KIAA1217: variants seen among roughly 807,000 people sequenced by gnomAD.
KIAA1217 encodes KIAA1217.
A neutral mutation model predicts 163.9 loss-of-function variants in KIAA1217; 88 were observed. That is an observed-to-expected ratio of 0.54 (90% CI 0.45 to 0.64). The LOEUF (loss-of-function observed/expected upper bound fraction) is 0.64. Among genes scored for constraint, KIAA1217 ranks in the 30% least tolerant of loss-of-function variants. The probability of loss-of-function intolerance (pLI) is 0.00; values close to 1 mark genes in which losing one functional copy is unlikely to be tolerated. For missense variants in KIAA1217, 2,372 were observed against 2,475.0 expected, an observed-to-expected ratio of 0.96 and a Z score of 0.88; for synonymous variants, 903 against 923.1, an observed-to-expected ratio of 0.98 and a Z score of 0.39.
intron 1 of KIAA1217, among the ~76,000 whole-genome samples, chr10:23,858,656 C>A (rs1323615954): frequency 6.6e-6 from 1 of 152,070 alleles, no homozygotes; most frequent in African/African-American, 2.4e-5. Context: ...CATAATCGGG[C>A]TCCCCATCAG....
rs199546042 is a variant in KIAA1217 at position 24,478,368 on chromosome 10, ATTTC to A, written c.1679+4318_1679+4321del. ...CATACCTTGTGCTAATGAATTTGGC[ATTTC>A]TTTCTTTCTAAAGATGCTTCAATGA... On this transcript the variant is annotated intron_variant, in intron 6 of 20. Transcript: ENST00000376454. 7.8e-3 allele frequency among the ~76,000 whole-genome samples: 1,188 copies of A among 152,308 alleles called. 10 individuals are homozygous for A. Among genetic ancestry groups the A allele is most frequent in the Non-Finnish European group, 9.6e-3 (655 of 68,028 alleles).
chr10:24,226,397 C>A (rs924165852), intron 2 of KIAA1217, among the ~76,000 whole-genome samples: 4 of 151,714 alleles, frequency 2.6e-5, no homozygotes, highest in Non-Finnish European at 5.9e-5. Context: ...GAGGCTAAGG[C>A]GGGCAGATCA....
At chr10:24,538,410 G>T (rs2074352689) in intron 17 of KIAA1217, among the ~76,000 whole-genome samples, 1 of 152,134 alleles carries the variant, frequency 6.6e-6, no homozygotes, top group Non-Finnish European at 1.5e-5. Flanking sequence ...TGGCATGGTG[G>T]CTCACACCTG....
intron 2 of KIAA1217, among the ~76,000 whole-genome samples, chr10:24,109,430 G>A (rs185375697): frequency 2.0e-5 from 3 of 151,788 alleles, no homozygotes; most frequent in Admixed American, 6.6e-5. Context: ...ACTGAGCAAC[G>A]TTTACATTGA....
intron 5 of KIAA1217, among the ~76,000 whole-genome samples, chr10:24,469,434 T>G (rs945999429): frequency 3.3e-5 from 5 of 151,838 alleles, no homozygotes; most frequent in African/African-American, 1.2e-4. Context: ...CCCTAGAATC[T>G]TAATGTCCCT....
chr10:23,758,344 T>G (rs1044392468), intron 1 of KIAA1217, among the ~76,000 whole-genome samples: 1 of 150,904 alleles, frequency 6.6e-6, no homozygotes, highest in Admixed American at 6.6e-5. Context: ...GTCTTGGCAC[T>G]CTTATTGGAA....
chr10:24,235,989 A>G (rs1308298780), intron 2 of KIAA1217, among the ~76,000 whole-genome samples: 1 of 152,166 alleles, frequency 6.6e-6, no homozygotes, highest in African/African-American at 2.4e-5. Context: ...ATCTCGGGTC[A>G]GCCTGAGTTC....
chr10:24,404,196 G>A (rs970113758), intron 3 of KIAA1217, among the ~76,000 whole-genome samples: 3 of 152,204 alleles, frequency 2.0e-5, no homozygotes, highest in Admixed American at 6.5e-5. Context: ...GGGGTCAAGC[G>A]AGGAGCCTCC....
intron 1 of KIAA1217, among the ~76,000 whole-genome samples, chr10:23,823,733 A>G (rs1837735050): frequency 6.6e-6 from 1 of 152,228 alleles, no homozygotes; most frequent in African/African-American, 2.4e-5. Context: ...AAAGTATTCA[A>G]TAAGAGTGAC....
intron 1 of KIAA1217, among the ~76,000 whole-genome samples, chr10:23,928,205 G>A (rs1342175610): frequency 6.6e-6 from 1 of 152,132 alleles, no homozygotes; most frequent in African/African-American, 2.4e-5. Flanking sequence ...AGCAGCACAG[G>A]GTCCCCTGAG....
intron 3 of KIAA1217, among the ~76,000 whole-genome samples, chr10:24,420,922 A>G (rs970584688): frequency 6.6e-6 from 1 of 152,110 alleles, no homozygotes; most frequent in East Asian, 1.9e-4. Flanking sequence ...TAGTGCTGAT[A>G]CCTGGTGGAG....
At chr10:23,789,934 C>CACATAT (rs1219567142) in intron 1 of KIAA1217, among the ~76,000 whole-genome samples, 1 of 132,966 alleles carries the variant, frequency 7.5e-6, no homozygotes, top group Admixed American at 7.5e-5. Context: ...TGTATATATA[C>CACATAT]ACATATACAT....
At chr10:24,384,283 A>AT (rs11304806) in intron 3 of KIAA1217, among the ~76,000 whole-genome samples, 2 of 151,484 alleles carry the variant, frequency 1.3e-5, no homozygotes. Context: ...TTTATCATGA[A>AT]TTTTTTTTAT....
chr10:24,211,909 G>A (rs1369625141), intron 1 of KIAA1217, among the ~76,000 whole-genome samples: 3 of 151,852 alleles, frequency 2.0e-5, no homozygotes, highest in Admixed American at 6.6e-5. Flanking sequence ...ATTTAGCTAG[G>A]CATAGTGCCC....
intron 2 of KIAA1217, among the ~76,000 whole-genome samples, chr10:24,072,819 G>C (rs902444664): frequency 1.3e-5 from 2 of 152,198 alleles, no homozygotes; most frequent in Non-Finnish European, 2.9e-5. Context: ...AATACAGGCA[G>C]AGAGGAGGTG....
chr10:23,734,494 G>A (rs1838677418), intron 1 of KIAA1217, among the ~76,000 whole-genome samples: 1 of 151,554 alleles, frequency 6.6e-6, no homozygotes, highest in South Asian at 2.1e-4. Context: ...TCACCAGGTT[G>A]GCAAGGCTGA....
intron 1 of KIAA1217, among the ~76,000 whole-genome samples, chr10:23,756,964 C>G (rs1259258908): frequency 6.6e-6 from 1 of 152,166 alleles, no homozygotes; most frequent in Non-Finnish European, 1.5e-5. Context: ...TAAGTGGAAT[C>G]ATGCAGTATT....
intron 2 of KIAA1217, among the ~76,000 whole-genome samples, chr10:24,107,230 G>T (rs1424622480): frequency 6.6e-6 from 1 of 152,120 alleles, no homozygotes; most frequent in Non-Finnish European, 1.5e-5. Context: ...CTTTTTTATG[G>T]CTGCATAGTA....
At chr10:24,145,919 T>C (rs927769599) in intron 2 of KIAA1217, among the ~76,000 whole-genome samples, 6 of 152,212 alleles carry the variant, frequency 3.9e-5, no homozygotes, top group Admixed American at 2.0e-4. Context: ...CCCATCCAGA[T>C]TGAGGGTGGT....
Sources: allele counts gnomAD v4.1 joint callset (sites outside exome capture counted in the v4.1 genomes callset), GRCh38; gene constraint gnomAD v4.1.1; transcripts MANE v1.5; gene names NCBI Gene and HGNC (gene_info 2026-07-23, HGNC 2026-07-21).